The following PGAM5 variants were observed in gnomAD, a reference collection of about 807,000 sequenced individuals.
The protein encoded by PGAM5 is PGAM family member 5, mitochondrial serine/threonine protein phosphatase.
Under a neutral mutation model 30.6 loss-of-function variants are expected in PGAM5, and 25 were observed. That is an observed-to-expected ratio of 0.82 (90% CI 0.60 to 1.14). The LOEUF is 1.14. PGAM5 is among the 50% of genes most tolerant of loss of function. PGAM5 has a pLI of 0.00. For synonymous variants in PGAM5, 201 were observed against 179.1 expected, an observed-to-expected ratio of 1.12 and a Z score of -0.98; for missense variants, 384 against 408.5, an observed-to-expected ratio of 0.94 and a Z score of 0.52.
chr12:132,719,700 G>A (rs1484392951), intron 5 of PGAM5, among the ~76,000 whole-genome samples: 1 of 152,254 alleles, frequency 6.6e-6, no homozygotes, highest in Non-Finnish European at 1.5e-5. Flanking sequence ...ACGTGCACCT[G>A]GACACGAGAA....
chr12:132,719,502 G>GT (rs1363507353), intron 5 of PGAM5, among the ~76,000 whole-genome samples: 2 of 152,346 alleles, frequency 1.3e-5, no homozygotes, highest in East Asian at 3.9e-4. Context: ...CCTGTTTGCT[G>GT]TGAGTCGTTC....
intron 5 of PGAM5, 71 bp downstream of exon 5, chr12:132,718,191 G>C: frequency 2.5e-6 from 4 of 1,581,272 alleles, no homozygotes; most frequent in African/African-American, 1.3e-5. Flanking sequence ...GGAAGAAGCC[G>C]AGCGAGACCC....
chr12:132,719,251 G>A, intron 5 of PGAM5: 1 of 1,122,236 alleles, frequency 8.9e-7, no homozygotes, highest in Non-Finnish European at 1.1e-6. Context: ...CGAGTCCTGT[G>A]GTGGGAGGAC....
At chr12:132,711,300 T>G in intron 1 of PGAM5, 3 of 281,148 alleles carry the variant, frequency 1.1e-5, no homozygotes, top group East Asian at 6.1e-5. Context: ...GTCCTCGCCC[T>G]TCTCCCCGCC....
chr12:132,718,052 C>G lies in PGAM5; in HGVS notation c.651C>G (p.Ala217=). 6.2e-7 allele frequency: 1 copy of G among 1,612,876 alleles called. No homozygotes were observed. The highest frequency in any genetic ancestry group is 8.5e-7 in the Non-Finnish European group (1 of 1,179,994). Residue 217 remains alanine (A), a synonymous_variant, in exon 5 of 6, where the codon GCC becomes GCG. Coordinates refer to ENST00000498926, the MANE Select transcript of PGAM5 (RefSeq NM_001170543.2). ...GGAACTACATCCACCGCGCAGATGC[C>G]AGGCAGGAGGAGGACAGTTACGAGA... ...AFRNYIHRAD[A]RQEEDSYEIF...
intron 2 of PGAM5, among the ~76,000 whole-genome samples, chr12:132,716,387 A>ATT (rs761735058): frequency 3.6e-5 from 5 of 139,156 alleles, no homozygotes; most frequent in African/African-American, 1.1e-4. Context: ...ACCCAGCCTA[A>ATT]TTTTTTTTTT....
In PGAM5 at chr12:132,719,755, A is replaced by C. The variant is rs528832686; in HGVS notation, c.720-923A>C. ...CCGGTGCCGCCAGGCAGCCCTGAGG[A>C]GGCTCGGGAAGCAGCGTGAGGGTGG... On this transcript the variant is annotated intron_variant, in intron 5 of 5. Coordinates refer to ENST00000498926, the MANE Select transcript of PGAM5 (RefSeq NM_001170543.2). Among the ~76,000 whole-genome samples the C allele has an allele frequency of 4.6e-5, 7 of 152,316 alleles. No individual in the cohort carries two copies. In the South Asian group the frequency reaches 1.0e-3, roughly 23 times the overall value.
chr12:132,720,312 C>T (rs1400318744), intron 5 of PGAM5, among the ~76,000 whole-genome samples: 1 of 141,836 alleles, frequency 7.1e-6, no homozygotes, highest in Non-Finnish European at 1.5e-5. Flanking sequence ...TAGCCCAGCC[C>T]GTTTTTTTTT....
chr12:132,720,710 G>A lies in PGAM5; in HGVS notation c.752G>A (p.Arg251Gln), dbSNP rs753638234. 5.9e-6 allele frequency: 9 copies of A among 1,535,926 alleles called. No individual in the cohort carries two copies. The highest frequency in any genetic ancestry group is 1.2e-5 in the South Asian group (1 of 84,048). The change falls in exon 6 of 6, where the codon CGG (arginine) becomes CAG (glutamine). Residue 251 changes from arginine (R) to glutamine (Q), a missense_variant. Physicochemically the swap from Arg to Gln is conservative, Grantham distance 43. Transcript: ENST00000498926. ...ALQFPPEGWLRLSLNNGSITH... is the reference protein window; with the variant it reads ...ALQFPPEGWLQLSLNNGSITH... ...CAGTTTCCTCCTGAAGGCTGGCTCC[G>A]GCTCTCCCTCAATAATGGCAGCATC...
rs907004887 is a variant in PGAM5, at chr12:132,717,488, G to T, written c.420G>T (p.Leu140Phe). Residue 140 changes from leucine to phenylalanine, a missense_variant, in exon 3 of 6, where the codon TTG (leucine) becomes TTT (phenylalanine). Leu to Phe is a conservative substitution (Grantham distance 22). Transcript: ENST00000498926. The part of the protein sequence containing the change: ...LTGLRLASLG[L>F]KFNKIVHSSM... ...GGCTCCGCCTGGCAAGCTTGGGGTT[G>T]AAGTTTAATAAAATCGTCCATTCGT... 5.6e-6 allele frequency: 9 copies of T among 1,610,514 alleles called. No individual in the cohort carries two copies. Among genetic ancestry groups the T allele is most frequent in the South Asian group, 1.1e-5 (1 of 91,086 alleles).
rs1396109437 is a variant in PGAM5, at chr12:132,717,513, T to A, written c.445T>A (p.Ser149Thr). 1 of 1,611,056 alleles carries A rather than the reference T, an allele frequency of 6.2e-7. No homozygotes were observed. The highest frequency in any genetic ancestry group is 8.5e-7 in the Non-Finnish European group (1 of 1,179,904). The part of the protein sequence containing the change: ...GLKFNKIVHS[S>T]MTRAIETTDI... ...GAAGTTTAATAAAATCGTCCATTCGTCTATGACGCGCGCCATAGAGACCAC... is the reference window on the plus strand; with the variant it reads ...GAAGTTTAATAAAATCGTCCATTCGACTATGACGCGCGCCATAGAGACCAC... The change falls in exon 3 of 6, where the codon TCT (serine) becomes ACT (threonine). Residue 149 changes from serine to threonine, a missense_variant. Coordinates refer to ENST00000498926, the MANE Select transcript of PGAM5 (RefSeq NM_001170543.2).
chr12:132,713,168 A>G (rs1033341942), intron 1 of PGAM5, among the ~76,000 whole-genome samples: 3 of 152,168 alleles, frequency 2.0e-5, no homozygotes, highest in African/African-American at 7.2e-5. Flanking sequence ...TCAAAAAAGA[A>G]AAAAAAGAAC....
In PGAM5 at chr12:132,722,723, GTT is replaced by G. The variant is rs915281451; in HGVS notation, c.*1901_*1902del. 1 of 151,772 alleles carries G rather than the reference GTT, an allele frequency of 6.6e-6. No individual in the cohort carries two copies. Among genetic ancestry groups the G allele is most frequent in the Admixed American group, 6.6e-5 (1 of 15,236 alleles). 9.4% of individuals were successfully genotyped at this position (151,772 alleles called of 1,614,324 possible). A position where few individuals can be genotyped will look rare whatever the true frequency, so the allele number is the denominator to read the frequency against. ...ATTGCATAATAAATAAAATTTTACT[GTT>G]TTTTTAAAAGGACTAGTTGTGAGTG... On this transcript the variant is annotated 3_prime_UTR_variant, in exon 6 of 6. Coordinates refer to ENST00000498926, the MANE Select transcript of PGAM5 (RefSeq NM_001170543.2).
At chr12:132,716,760 T>C (rs1045421110) in intron 2 of PGAM5, among the ~76,000 whole-genome samples, 1 of 152,188 alleles carries the variant, frequency 6.6e-6, no homozygotes, top group Non-Finnish European at 1.5e-5. Flanking sequence ...ATAGTGCCTG[T>C]TCATGCACAT....
chr12:132,720,039 G>C lies in PGAM5; in HGVS notation c.720-639G>C, dbSNP rs575384824. Among the ~76,000 whole-genome samples the C allele has an allele frequency of 5.3e-5, 8 of 151,286 alleles. No homozygotes were observed. The East Asian group carries it at 1.6e-3, about 30-fold the overall frequency. On this transcript the variant is annotated intron_variant, in intron 5 of 5. Coordinates refer to ENST00000498926, the MANE Select transcript of PGAM5 (RefSeq NM_001170543.2). ...TTGTTCTGATCTGTGCAAATCTTGA[G>C]TTGGGGTTGGGCCCCTGTCCTAAAG...
At chr12:132,713,359 C>T (rs936693951) in intron 1 of PGAM5, among the ~76,000 whole-genome samples, 3 of 152,184 alleles carry the variant, frequency 2.0e-5, no homozygotes, top group Non-Finnish European at 4.4e-5. Flanking sequence ...TTGAGTCTCA[C>T]CTGTCCACAC....
intron 1 of PGAM5, among the ~76,000 whole-genome samples, chr12:132,713,933 T>A (rs1412889212): frequency 6.6e-6 from 1 of 151,846 alleles, no homozygotes; most frequent in Non-Finnish European, 1.5e-5. Flanking sequence ...CCTCCCAAAG[T>A]GCTGGGATCC....
chr12:132,719,201 T>C (rs978159941), intron 5 of PGAM5: 2 of 1,162,980 alleles, frequency 1.7e-6, no homozygotes, highest in African/African-American at 1.6e-5. Context: ...AGGAAATGTG[T>C]GTGTGGGCTC....
intron 3 of PGAM5, 58 bp from the exon 4 acceptor site, chr12:132,717,652 C>T: frequency 6.3e-7 from 1 of 1,583,040 alleles, no homozygotes; most frequent in South Asian, 1.1e-5. Context: ...ACCGGGAGGT[C>T]ACAGCATCTC....
Sources: allele counts gnomAD v4.1 joint callset (sites outside exome capture counted in the v4.1 genomes callset), GRCh38; gene constraint gnomAD v4.1.1; transcripts MANE v1.5; gene names NCBI Gene and HGNC (gene_info 2026-07-23, HGNC 2026-07-21).